The following EZH1 variants were observed in gnomAD, a reference collection of about 807,000 sequenced individuals.
EZH1 encodes enhancer of zeste 1 polycomb repressive complex 2 subunit.
Under a neutral mutation model 100.5 loss-of-function variants are expected in EZH1, and 33 were observed. That is an observed-to-expected ratio of 0.33 (90% CI 0.25 to 0.44). The LOEUF is 0.44. EZH1 is among the 20% of genes least tolerant of loss of function. The probability of loss-of-function intolerance (pLI) is 1.00; values close to 1 mark genes in which losing one functional copy is unlikely to be tolerated. For missense variants in EZH1, 475 were observed against 928.4 expected (o/e 0.51, Z 6.35); for synonymous variants, 272 against 313.8 (o/e 0.87, Z 1.41).
intron 4 of EZH1, chr17:42,724,713 G>A: frequency 4.0e-6 from 1 of 251,500 alleles, no homozygotes; most frequent in East Asian, 8.1e-5. Flanking sequence ...TTGAACCTGG[G>A]AGGCAGAGGT....
chr17:42,715,147 T>TATTATAGATTATATGTATTTATATATTAC (rs2053575062), intron 10 of EZH1, among the ~76,000 whole-genome samples: 4 of 138,942 alleles, frequency 2.9e-5, no homozygotes, highest in Non-Finnish European at 6.1e-5. Flanking sequence ...TTATATATTA[T>TATTATAGATTATATGTATTTATATATTAC]ATATTATAGA....
rs2053441452 is a variant in EZH1 at position 42,709,838 on chromosome 17, C to G, written c.1493+8G>C. The G allele has an allele frequency of 6.2e-7, 1 of 1,613,800 alleles. No individual in the cohort carries two copies. The highest frequency in any genetic ancestry group is 1.7e-5 in the Admixed American group (1 of 60,000). On this transcript the variant is annotated splice_region_variant and intron_variant, in intron 13 of 20. Transcript: ENST00000428826. ...GTAAAACAAAACACTTTGTCCAACC[C>G]TTCTTGCCTGTGCTTTCTTTTCTTC...
chr17:42,733,205 C>T (rs138944734), intron 1 of EZH1, among the ~76,000 whole-genome samples: 128 of 151,334 alleles, frequency 8.5e-4, no homozygotes, highest in African/African-American at 2.9e-3. Flanking sequence ...GGCGTGGTGG[C>T]GCATGCCTAT....
At chr17:42,712,676 G>A (rs1206827735) in intron 11 of EZH1, among the ~76,000 whole-genome samples, 191 bp from the exon 12 acceptor site, 6 of 152,158 alleles carry the variant, frequency 3.9e-5, no homozygotes, top group Admixed American at 3.9e-4. Flanking sequence ...GCCGAGGTGG[G>A]TGGATTGCTT....
Position 42,709,842 on chromosome 17 carries a change from T to C in EZH1, c.1493+4A>G. On this transcript the variant is annotated splice_donor_region_variant and intron_variant, in intron 13 of 20. Transcript: ENST00000428826. Reference sequence around the variant, plus strand: ...AACAAAACACTTTGTCCAACCCTTCTTGCCTGTGCTTTCTTTTCTTCTTCT... The same window carrying C: ...AACAAAACACTTTGTCCAACCCTTCCTGCCTGTGCTTTCTTTTCTTCTTCT... 6.2e-7 allele frequency: 1 copy of C among 1,614,050 alleles called. No homozygotes were observed. The highest frequency in any genetic ancestry group is 8.5e-7 in the Non-Finnish European group (1 of 1,179,874).
Position 42,727,681 on chromosome 17 carries a change from G to T in EZH1, c.200C>A (p.Pro67His). 1.2e-6 allele frequency: 2 copies of T among 1,609,406 alleles called. No individual in the cohort carries two copies. Among genetic ancestry groups the T allele is most frequent in the South Asian group, 2.2e-5 (2 of 89,854 alleles). Residue 67 changes from proline (P) to histidine (H), a missense_variant, in exon 4 of 21, where the codon CCT becomes CAT. By Grantham distance (77) the Pro-to-His change is moderately conservative. Transcript: ENST00000428826. ...NEEWKKLRVQ[P>H]VQSMKPVSGH... is the part of the protein sequence containing the mutation. ...ACTCACAGGCTTCATTGACTGAACA[G>T]GTTGGACACGAAGCTTCTTCCATTC...
chr17:42,737,059 C>G (rs112557831), intron 1 of EZH1, among the ~76,000 whole-genome samples: 1,616 of 148,768 alleles, frequency 0.011, 51 homozygotes, highest in South Asian at 0.097. Flanking sequence ...AATCTCGGCT[C>G]ACTGCAACCT....
intron 4 of EZH1, among the ~76,000 whole-genome samples, chr17:42,725,842 G>GA (rs1307912854): frequency 6.6e-6 from 1 of 152,078 alleles, no homozygotes; most frequent in Admixed American, 6.6e-5. Context: ...GTAACATTCT[G>GA]CTTCAGGAAA....
At position 42,701,452 on chromosome 17, in the gene EZH1, C is replaced by T. The variant is rs1179484466; in HGVS notation, c.*1080G>A. The T allele has an allele frequency of 6.5e-6, 1 of 152,892 alleles. No individual in the cohort carries two copies. The highest frequency in any genetic ancestry group is 1.5e-5 in the Non-Finnish European group (1 of 68,098). 9.5% of individuals were successfully genotyped at this position (152,892 alleles called of 1,614,324 possible). A position where few individuals can be genotyped will look rare whatever the true frequency, so the allele number is the denominator to read the frequency against. The stretch of plus-strand genomic sequence containing the variant: ...CCTAAACGCGTGCAATTTAGCCCCT[C>T]ACCAACCTTGGAACATATTCTAACT... On this transcript the variant is annotated 3_prime_UTR_variant, in exon 21 of 21. Coordinates refer to ENST00000428826, the MANE Select transcript of EZH1 (RefSeq NM_001991.5).
intron 5 of EZH1, 29 bp downstream of exon 5, chr17:42,724,276 A>G (rs1355567221): frequency 3.1e-6 from 5 of 1,612,124 alleles, no homozygotes; most frequent in Non-Finnish European, 4.2e-6. Flanking sequence ...TACAGTTTAA[A>G]TAACCACCAC....
At chr17:42,730,033 G>A (rs577887826) in intron 2 of EZH1, among the ~76,000 whole-genome samples, 3 of 151,696 alleles carry the variant, frequency 2.0e-5, no homozygotes, top group Non-Finnish European at 2.9e-5. Flanking sequence ...GCAAGACTCC[G>A]TCTCAAAACA....
At chr17:42,736,179 G>A (rs561158522) in intron 1 of EZH1, among the ~76,000 whole-genome samples, 28 of 152,298 alleles carry the variant, frequency 1.8e-4, no homozygotes, top group Non-Finnish European at 3.7e-4. Context: ...TGGTGAGGAC[G>A]TGAAGCAACT....
chr17:42,716,748 G>A (rs1293754317), intron 10 of EZH1, among the ~76,000 whole-genome samples: 1 of 151,980 alleles, frequency 6.6e-6, no homozygotes, highest in Admixed American at 6.6e-5. Context: ...ACCCAGGCTG[G>A]AGTACAGTGG....
At chr17:42,729,187 A>G (rs1770841933) in intron 2 of EZH1, 2 of 344,886 alleles carry the variant, frequency 5.8e-6, no homozygotes, top group African/African-American at 2.2e-5. Context: ...TGAGAGCACT[A>G]CTTGAGCCCA....
At chr17:42,741,331 T>C (rs1185349894) in intron 1 of EZH1, among the ~76,000 whole-genome samples, 1 of 152,056 alleles carries the variant, frequency 6.6e-6, no homozygotes, top group East Asian at 1.9e-4. Flanking sequence ...GGGATTCTCG[T>C]TCCTCAGCCT....
chr17:42,727,136 C>T (rs2053836523), intron 4 of EZH1, among the ~76,000 whole-genome samples: 1 of 152,138 alleles, frequency 6.6e-6, no homozygotes, highest in Non-Finnish European at 1.5e-5. Context: ...AGGTGTGAGC[C>T]ACTGCGTCCA....
intron 16 of EZH1, chr17:42,705,582 C>T (rs1237334914): frequency 5.0e-5 from 9 of 180,136 alleles, no homozygotes; most frequent in Admixed American, 6.0e-5. Context: ...TGCAGTGGTG[C>T]GATCTCGGCT....
At chr17:42,734,741 C>T (rs1025838687) in intron 1 of EZH1, among the ~76,000 whole-genome samples, 2 of 151,260 alleles carry the variant, frequency 1.3e-5, no homozygotes, top group Admixed American at 6.6e-5. Flanking sequence ...CACCTGTAAT[C>T]CCAGTACTTT....
intron 12 of EZH1, among the ~76,000 whole-genome samples, chr17:42,710,168 C>T (rs1019067976): frequency 3.9e-5 from 6 of 152,082 alleles, no homozygotes; most frequent in African/African-American, 1.4e-4. Flanking sequence ...ACAGTAATAC[C>T]GCCCCTGGTC....
Sources: allele counts gnomAD v4.1 joint callset (sites outside exome capture counted in the v4.1 genomes callset), GRCh38; gene constraint gnomAD v4.1.1; transcripts MANE v1.5; gene names NCBI Gene and HGNC (gene_info 2026-07-23, HGNC 2026-07-21).